Variants in ERICH1 observed in about 807,000 individuals in gnomAD.
ERICH1 encodes the protein glutamate rich 1, also known as glutamate-rich protein 1.
In ERICH1, 56 loss-of-function variants were observed where a neutral mutation model predicts 39.6. The observed-to-expected ratio is 1.41, with a 90% confidence interval of 1.14 to 1.77. The LOEUF (loss-of-function observed/expected upper bound fraction) is 1.77, where lower values mean the gene tolerates loss of function less well. ERICH1 is among the 40% of genes most tolerant of loss of function. The pLI is 0.00. For synonymous variants in ERICH1, 313 were observed against 223.6 expected, an observed-to-expected ratio of 1.40 and a Z score of -3.57; for missense variants, 826 against 575.4, an observed-to-expected ratio of 1.44 and a Z score of -4.45.
intron 3 of ERICH1, among the ~76,000 whole-genome samples, chr8:640,200 T>C (rs1314428132): frequency 1.3e-5 from 2 of 152,186 alleles, no homozygotes; most frequent in Non-Finnish European, 1.5e-5. Context: ...AGGACCCCTA[T>C]GGAGAAGGTC....
In ERICH1 at chr8:624,968, C is replaced by T. The variant is rs183324415; in HGVS notation, c.977-9684G>A. 2.4e-3 allele frequency among the ~76,000 whole-genome samples: 360 copies of T among 152,202 alleles called. 6 individuals carry two copies. In the South Asian group the frequency reaches 0.032, roughly 14 times the overall value. On this transcript the variant is annotated intron_variant, in intron 3 of 3. Transcript: ENST00000522706. ...GTCTTGATCTCCTGACCTCGTGATC[C>T]GCTTGCCTCGGCCACCCAAAGTCCT...
intron 3 of ERICH1, among the ~76,000 whole-genome samples, chr8:678,580 C>T (rs912002392): frequency 2.0e-5 from 3 of 152,280 alleles, no homozygotes; most frequent in East Asian, 1.9e-4. Context: ...GAGGCCGAGG[C>T]GGGCGGATCA....
At position 673,796 on chromosome 8, in the gene ERICH1, C is replaced by T. The variant is rs1395820318; in HGVS notation, c.556G>A (p.Val186Ile). 4.3e-6 allele frequency: 7 copies of T among 1,614,230 alleles called. No individual in the cohort carries two copies. In the Admixed American group the frequency reaches 1.0e-4, roughly 23 times the overall value. ...AAGLAAKAAGVSFMYQPEDSS... is the reference protein window; with the variant it reads ...AAGLAAKAAGISFMYQPEDSS... ...TCCTCGGGCTGGTACATGAAACTGACACCAGCAGCCTTTGCTGCCAAGCCG... is the reference window on the plus strand; with the variant it reads ...TCCTCGGGCTGGTACATGAAACTGATACCAGCAGCCTTTGCTGCCAAGCCG... The change falls in exon 4 of 6, where the codon GTC becomes ATC. Residue 186 changes from valine to isoleucine, a missense_variant. Transcript: ENST00000262109.
At chr8:685,799 C>T (rs892334329) in intron 3 of ERICH1, among the ~76,000 whole-genome samples, 4 of 152,006 alleles carry the variant, frequency 2.6e-5, no homozygotes, top group Non-Finnish European at 5.9e-5. Flanking sequence ...GACTTTCAGC[C>T]ATCTTTCTAT....
At position 731,186 on chromosome 8, in the gene ERICH1, AC is replaced by A; in HGVS notation, c.-26del. On this transcript the variant is annotated 5_prime_UTR_variant, in exon 1 of 6. Coordinates refer to ENST00000262109, the MANE Select transcript of ERICH1 (RefSeq NM_207332.3). ...TGCGGGACCCTGCCGCGGACCTCAG[AC>A]CACGGCGCGCGGTCCTGAGCTGAGC... 1 of 1,495,832 alleles carries A rather than the reference AC, an allele frequency of 6.7e-7. No homozygotes were observed. The highest frequency in any genetic ancestry group is 8.9e-7 in the Non-Finnish European group (1 of 1,124,970). 92.7% of individuals were successfully genotyped at this position (1,495,832 alleles called of 1,614,324 possible).
intron 3 of ERICH1, among the ~76,000 whole-genome samples, chr8:632,964 GC>G (rs1171909486): frequency 6.6e-6 from 1 of 152,248 alleles, no homozygotes; most frequent in Non-Finnish European, 1.5e-5. Flanking sequence ...AAAACCATCA[GC>G]AGTGCCAGAC....
At chr8:719,259 C>T (rs1173381122) in intron 1 of ERICH1, among the ~76,000 whole-genome samples, 3 of 152,250 alleles carry the variant, frequency 2.0e-5, no homozygotes, top group East Asian at 1.9e-4. Context: ...GCTCCCACAT[C>T]GACCAGGCTC....
At chr8:688,269 CCGCCCGT>C (rs2132026892) in intron 3 of ERICH1, among the ~76,000 whole-genome samples, 1 of 74,218 alleles carries the variant, frequency 1.3e-5, no homozygotes, top group Admixed American at 1.2e-4. Flanking sequence ...GCCCCCAGTT[CCGCCCGT>C]CCCCGCCCCG....
At position 647,744 on chromosome 8, in the gene ERICH1, G is replaced by A. The variant is rs1229723864; in HGVS notation, c.976+20854C>T. On this transcript the variant is annotated intron_variant, in intron 3 of 3. Transcript: ENST00000522706. The stretch of plus-strand genomic sequence containing the variant: ...CCTCCCAAGGTGGCATCCTATGGCT[G>A]TTCCCAGGATTTCTCTGTGGTATCA... Among the ~76,000 whole-genome samples, 28 of 66,736 alleles carry A rather than the reference G, an allele frequency of 4.2e-4. 10 individuals carry two copies. The highest frequency in any genetic ancestry group is 8.6e-4 in the African/African-American group (22 of 25,644). 43.8% of individuals were successfully genotyped at this position (66,736 alleles called of 152,430 possible). A position where few individuals can be genotyped will look rare whatever the true frequency, so the allele number is the denominator to read the frequency against.
chr8:691,290 G>C (rs1221507144), intron 3 of ERICH1, among the ~76,000 whole-genome samples: 1 of 152,222 alleles, frequency 6.6e-6, no homozygotes, highest in East Asian at 1.9e-4. Context: ...AGAAATGCCT[G>C]TCTATGTGGT....
At chr8:698,223 CTTTTTT>C (rs368424788) in intron 2 of ERICH1, among the ~76,000 whole-genome samples, 1 of 85,954 alleles carries the variant, frequency 1.2e-5, no homozygotes, top group Non-Finnish European at 2.6e-5. Context: ...TATTCCTTTT[CTTTTTT>C]TTTTTTTGAG....
chr8:672,698 G>C (rs1245405636), intron 4 of ERICH1, among the ~76,000 whole-genome samples: 1 of 152,238 alleles, frequency 6.6e-6, no homozygotes, highest in African/African-American at 2.4e-5. Flanking sequence ...ACAAAGCGTA[G>C]TGCAGATGTA....
At chr8:691,906 T>C (rs530316691) in intron 3 of ERICH1, among the ~76,000 whole-genome samples, 1 of 152,342 alleles carries the variant, frequency 6.6e-6, no homozygotes, top group Non-Finnish European at 1.5e-5. Flanking sequence ...AACAACTATT[T>C]CCCTTTTAAG....
At chr8:726,753 C>T (rs1436644889) in intron 1 of ERICH1, among the ~76,000 whole-genome samples, 2 of 151,596 alleles carry the variant, frequency 1.3e-5, no homozygotes, top group African/African-American at 4.9e-5. Context: ...TGTACACGCA[C>T]ACCACACACA....
chr8:696,782 G>A lies in ERICH1; in HGVS notation c.170-4170C>T, dbSNP rs371924382. On this transcript the variant is annotated intron_variant, in intron 2 of 5. Coordinates refer to ENST00000262109, the MANE Select transcript of ERICH1 (RefSeq NM_207332.3). ...CTCTCCTTCCTCCCCATCAGCCTGCGCTCGCTCCTCTCACCCTCCACTCCT... is the reference window on the plus strand; with the variant it reads ...CTCTCCTTCCTCCCCATCAGCCTGCACTCGCTCCTCTCACCCTCCACTCCT... Among the ~76,000 whole-genome samples, 21 of 78,144 alleles carry A rather than the reference G, an allele frequency of 2.7e-4. 1 individual carries two copies. The highest frequency in any genetic ancestry group is 6.1e-4 in the Admixed American group (4 of 6,584). 51.3% of individuals were successfully genotyped at this position (78,144 alleles called of 152,430 possible). A position where few individuals can be genotyped will look rare whatever the true frequency, so the allele number is the denominator to read the frequency against.
intron 3 of ERICH1, among the ~76,000 whole-genome samples, chr8:619,628 CCTTT>C (rs1389826456): frequency 6.6e-6 from 1 of 152,110 alleles, no homozygotes; most frequent in Non-Finnish European, 1.5e-5. Context: ...TACTTGCTCT[CCTTT>C]CTTCTCTCAA....
chr8:661,447 T>C (rs1801413625), downstream of ERICH1, among the ~76,000 whole-genome samples: 1 of 152,110 alleles, frequency 6.6e-6, no homozygotes, highest in African/African-American at 2.4e-5. Context: ...GGCTCAGATA[T>C]TCTGTGTTTT....
At chr8:664,823 G>A (rs1471729751) in intron 5 of ERICH1, 147 bp from the exon 6 acceptor site, 12 of 605,290 alleles carry the variant, frequency 2.0e-5, no homozygotes, top group Non-Finnish European at 3.1e-5. Context: ...AACTGATGTT[G>A]AAAGTGACAC....
At chr8:712,786 G>A (rs1027584039) in intron 2 of ERICH1, among the ~76,000 whole-genome samples, 1 of 152,148 alleles carries the variant, frequency 6.6e-6, no homozygotes, top group East Asian at 1.9e-4. Context: ...ACTTTGTATC[G>A]TACAACCCCA....
Sources: gnomAD v4.1 joint callset for allele counts (sites outside exome capture counted in the v4.1 genomes callset) on GRCh38, gnomAD v4.1.1 for gene constraint, MANE v1.5 for transcripts, NCBI Gene and HGNC (gene_info 2026-07-23, HGNC 2026-07-21) for gene names.